The following B3GAT2 variants were observed in gnomAD, a reference collection of about 807,000 sequenced individuals.
The protein encoded by B3GAT2 is beta-1,3-glucuronyltransferase 2, also known as galactosylgalactosylxylosylprotein 3-beta-glucuronosyltransferase 2.
Under a neutral mutation model 27.8 loss-of-function variants are expected in B3GAT2, and 26 were observed. The ratio of observed to expected loss-of-function variants is 0.93; its 90% CI spans 0.68 to 1.30. The LOEUF (loss-of-function observed/expected upper bound fraction) is 1.30. B3GAT2 is among the 50% of genes most tolerant of loss of function. The pLI, the probability that B3GAT2 is intolerant of heterozygous loss-of-function variation, is 0.00. For synonymous variants in B3GAT2, 218 were observed against 195.1 expected, an observed-to-expected ratio of 1.12 and a Z score of -0.98; for missense variants, 458 against 459.0, an observed-to-expected ratio of 1.00 and a Z score of 0.02.
intron 1 of B3GAT2, among the ~76,000 whole-genome samples, chr6:70,933,966 G>C (rs559341696): frequency 1.3e-5 from 2 of 152,276 alleles, no homozygotes; most frequent in East Asian, 1.9e-4. Flanking sequence ...GGATATCAGG[G>C]CTTTTCCTCA....
chr6:70,904,643 G>C (rs115376122), intron 1 of B3GAT2, among the ~76,000 whole-genome samples: 62 of 152,242 alleles, frequency 4.1e-4, no homozygotes, highest in African/African-American at 1.4e-3. Context: ...GAAGACAGAA[G>C]CTGGTCTGAA....
chr6:70,926,874 T>G (rs1470333277), intron 1 of B3GAT2, among the ~76,000 whole-genome samples: 1 of 151,992 alleles, frequency 6.6e-6, no homozygotes, highest in Non-Finnish European at 1.5e-5. Context: ...CACATAATTG[T>G]CAGATTCACC....
intron 1 of B3GAT2, among the ~76,000 whole-genome samples, chr6:70,955,175 C>CAAA (rs568676062): frequency 0.053 from 6,955 of 131,688 alleles, 191 homozygotes; most frequent in Middle Eastern, 0.092. Flanking sequence ...GGTTTTCTTG[C>CAAA]AAAAAAAAAA....
At chr6:70,909,900 G>A (rs1772663017) in intron 1 of B3GAT2, among the ~76,000 whole-genome samples, 1 of 151,992 alleles carries the variant, frequency 6.6e-6, no homozygotes, top group Non-Finnish European at 1.5e-5. Context: ...TTGAGACGGA[G>A]TCTTGCTTTG....
chr6:70,945,926 T>C (rs932692730), intron 1 of B3GAT2, among the ~76,000 whole-genome samples: 1 of 151,684 alleles, frequency 6.6e-6, no homozygotes, highest in Non-Finnish European at 1.5e-5. Flanking sequence ...TTCAACAATC[T>C]TAAAGAAAAG....
chr6:70,864,117 A>G (rs1339789884), intron 2 of B3GAT2, among the ~76,000 whole-genome samples: 1 of 137,296 alleles, frequency 7.3e-6, no homozygotes, highest in Non-Finnish European at 1.5e-5. Flanking sequence ...TCTCAGTCAT[A>G]CTGAAACTCC....
intron 1 of B3GAT2, among the ~76,000 whole-genome samples, chr6:70,898,653 G>T (rs751439326): frequency 5.3e-5 from 8 of 152,138 alleles, no homozygotes; most frequent in African/African-American, 1.9e-4. Context: ...TGCCCAGAAC[G>T]CTAAATATTC....
chr6:70,898,982 A>ATAAG (rs1772442901), intron 1 of B3GAT2, among the ~76,000 whole-genome samples: 1 of 151,630 alleles, frequency 6.6e-6, no homozygotes, highest in African/African-American at 2.4e-5. Flanking sequence ...AAATAAATAA[A>ATAAG]TAAATAAATA....
At position 70,908,704 on chromosome 6, in the gene B3GAT2, G is replaced by A. The variant is rs75201072; in HGVS notation, c.592-14432C>T. On this transcript the variant is annotated intron_variant, in intron 1 of 3. Transcript: ENST00000230053. ...ATAAACATTGGAATAGATGACTAAG[G>A]ATAAGGATAAAGGGAAATAAACACA... is the stretch of plus-strand genomic sequence containing the variant. Among the ~76,000 whole-genome samples the A allele has an allele frequency of 3.2e-3, 485 of 152,202 alleles. 14 individuals are homozygous for A. The East Asian group carries it at 0.086, about 27-fold the overall frequency.
chr6:70,952,905 A>G (rs971489642), intron 1 of B3GAT2, among the ~76,000 whole-genome samples: 1 of 152,240 alleles, frequency 6.6e-6, no homozygotes, highest in Non-Finnish European at 1.5e-5. Context: ...GGGAGGAATA[A>G]TTGAACACAG....
chr6:70,861,006 T>C lies in B3GAT2; in HGVS notation c.*657A>G, dbSNP rs1314865420. On this transcript the variant is annotated 3_prime_UTR_variant, in exon 4 of 4. Coordinates refer to ENST00000230053, the MANE Select transcript of B3GAT2 (RefSeq NM_080742.3). ...ACATAGTGCTAACATGAAGACCTTT[T>C]TCTGCACTATATGCAAACAGGGTAA... 2 of 290,862 alleles carry C rather than the reference T, an allele frequency of 6.9e-6. No homozygotes were observed. The highest frequency in any genetic ancestry group is 4.3e-5 in the African/African-American group (2 of 46,478). The allele number at this position is 290,862 out of a possible 1,614,324, so 18.0% of individuals were successfully genotyped here.
chr6:70,930,579 G>GA (rs1204488441), intron 1 of B3GAT2, among the ~76,000 whole-genome samples: 2 of 152,144 alleles, frequency 1.3e-5, no homozygotes, highest in African/African-American at 4.8e-5. Flanking sequence ...ACAGACACAC[G>GA]AAAAAATGCT....
chr6:70,927,152 G>T (rs1283523075), intron 1 of B3GAT2, among the ~76,000 whole-genome samples: 1 of 152,194 alleles, frequency 6.6e-6, no homozygotes, highest in Non-Finnish European at 1.5e-5. Context: ...CACCAGGCCT[G>T]CCTTACAAGA....
At chr6:70,874,177 C>T (rs552432195) in intron 2 of B3GAT2, among the ~76,000 whole-genome samples, 14 of 152,274 alleles carry the variant, frequency 9.2e-5, no homozygotes, top group African/African-American at 3.4e-4. Flanking sequence ...AATGTGACAA[C>T]TCTGGAAATC....
At chr6:70,918,944 C>T (rs954117793) in intron 1 of B3GAT2, among the ~76,000 whole-genome samples, 1 of 152,152 alleles carries the variant, frequency 6.6e-6, no homozygotes, top group African/African-American at 2.4e-5. Context: ...GTTGGCCTGC[C>T]TTGCTAGGTT....
At chr6:70,865,397 C>T (rs572561259) in intron 2 of B3GAT2, among the ~76,000 whole-genome samples, 19 of 152,278 alleles carry the variant, frequency 1.2e-4, no homozygotes, top group African/African-American at 4.3e-4. Context: ...GGATTACAGG[C>T]GTGAGCTACA....
At chr6:70,880,521 A>G (rs1772084842) in intron 2 of B3GAT2, among the ~76,000 whole-genome samples, 1 of 152,094 alleles carries the variant, frequency 6.6e-6, no homozygotes, top group Admixed American at 6.5e-5. Flanking sequence ...TTTTAGAGAC[A>G]GAGTCTCACT....
intron 2 of B3GAT2, among the ~76,000 whole-genome samples, chr6:70,883,730 C>T (rs115632837): frequency 0.016 from 2,401 of 152,234 alleles, 63 homozygotes; most frequent in African/African-American, 0.055. Flanking sequence ...TTTTATGTTA[C>T]GTATATTTCA....
At chr6:70,934,722 C>T (rs1773114212) in intron 1 of B3GAT2, among the ~76,000 whole-genome samples, 1 of 152,102 alleles carries the variant, frequency 6.6e-6, no homozygotes, top group African/African-American at 2.4e-5. Context: ...ATGATTCCCA[C>T]CTTAATTACT....
Sources: gnomAD v4.1 joint callset for allele counts (sites outside exome capture counted in the v4.1 genomes callset) on GRCh38, gnomAD v4.1.1 for gene constraint, MANE v1.5 for transcripts, NCBI Gene and HGNC (gene_info 2026-07-23, HGNC 2026-07-21) for gene names.